Variants in PLAG1 observed in about 807,000 individuals in gnomAD.
PLAG1 encodes PLAG1 zinc finger.
PLAG1 carries 7 observed loss-of-function variants against 35.5 expected under a neutral mutation model. The ratio of observed to expected loss-of-function variants is 0.20; its 90% confidence interval spans 0.11 to 0.37. The LOEUF (loss-of-function observed/expected upper bound fraction) is 0.37. Ranked by LOEUF, PLAG1 falls within the 10% of genes least tolerant of loss-of-function variation. The pLI is 1.00. For missense variants in PLAG1, 454 were observed against 602.8 expected (o/e 0.75, Z 2.58); for synonymous variants, 229 against 225.4 (o/e 1.02, Z -0.14).
intron 1 of PLAG1, among the ~76,000 whole-genome samples, chr8:56,203,714 A>C (rs1812623794): frequency 6.6e-6 from 1 of 151,940 alleles, no homozygotes; most frequent in African/African-American, 2.4e-5. Flanking sequence ...TGCTTCCACC[A>C]CTCTTGGTGT....
chr8:56,172,518 G>T (rs1319438924), intron 2 of PLAG1, among the ~76,000 whole-genome samples: 3 of 152,152 alleles, frequency 2.0e-5, no homozygotes, highest in Non-Finnish European at 4.4e-5. Flanking sequence ...GAATATGAAA[G>T]ACCATTTTGT....
At chr8:56,184,855 C>A (rs1274591481) in intron 1 of PLAG1, among the ~76,000 whole-genome samples, 2 of 152,050 alleles carry the variant, frequency 1.3e-5, no homozygotes, top group African/African-American at 4.8e-5. Flanking sequence ...AGGCTTGAAC[C>A]TGGGATGCTT....
At chr8:56,197,210 A>G (rs531079639) in intron 1 of PLAG1, among the ~76,000 whole-genome samples, 2 of 151,544 alleles carry the variant, frequency 1.3e-5, no homozygotes, top group Non-Finnish European at 2.9e-5. Context: ...TCTCTCCCCA[A>G]ATCCTGGTGG....
chr8:56,205,676 A>T (rs749606266), intron 1 of PLAG1, among the ~76,000 whole-genome samples: 3 of 151,944 alleles, frequency 2.0e-5, no homozygotes, highest in Non-Finnish European at 4.4e-5. Context: ...TTATTGTTAC[A>T]TACTTTCATT....
In PLAG1 at chr8:56,161,264, C is replaced by G. The variant is rs1811191320; in HGVS notation, c.*4979G>C. On this transcript the variant is annotated 3_prime_UTR_variant, in exon 5 of 5. Transcript: ENST00000316981. Reference sequence around the variant, plus strand: ...TTGATTTCCCAATATTACAGAATAGCAATTTTAAATGCAATAAAAATATAC... The same window carrying G: ...TTGATTTCCCAATATTACAGAATAGGAATTTTAAATGCAATAAAAATATAC... The G allele has an allele frequency of 4.9e-6, 1 of 204,090 alleles. No homozygotes were observed. Among genetic ancestry groups the G allele is most frequent in the South Asian group, 1.9e-4 (1 of 5,266 alleles). 12.6% of individuals were successfully genotyped at this position (204,090 alleles called of 1,614,324 possible).
Position 56,163,976 on chromosome 8 carries a change from AATC to A in PLAG1, c.*2264_*2266del, listed in dbSNP as rs1010364939. 6.0e-5 allele frequency: 11 copies of A among 183,386 alleles called. No individual in the cohort carries two copies. The highest frequency in any genetic ancestry group is 1.2e-4 in the Non-Finnish European group (10 of 86,074). The allele number at this position is 183,386 out of a possible 1,614,324, so 11.4% of individuals were successfully genotyped here. A position where few individuals can be genotyped will look rare whatever the true frequency, so the allele number is the denominator to read the frequency against. ...GGTGATTAAAGCAATATTGAACACT[AATC>A]ATTCAACTAAAGATTTAGGTAAGCA... On this transcript the variant is annotated 3_prime_UTR_variant, in exon 5 of 5. Transcript: ENST00000316981.
intron 1 of PLAG1, among the ~76,000 whole-genome samples, chr8:56,185,995 T>C (rs537529247): frequency 6.6e-6 from 1 of 151,306 alleles, no homozygotes; most frequent in African/African-American, 2.4e-5. Flanking sequence ...AGAACAAGTA[T>C]TAGCCAGGCA....
At chr8:56,177,112 A>T (rs1811721823) in intron 2 of PLAG1, among the ~76,000 whole-genome samples, 1 of 152,232 alleles carries the variant, frequency 6.6e-6, no homozygotes, top group Non-Finnish European at 1.5e-5. Context: ...AGCAGAAATT[A>T]GTTTTAAGCC....
intron 1 of PLAG1, among the ~76,000 whole-genome samples, chr8:56,198,065 G>C (rs947799038): frequency 6.6e-6 from 1 of 152,176 alleles, no homozygotes; most frequent in Non-Finnish European, 1.5e-5. Flanking sequence ...TGGATGGCCC[G>C]CATCACACAG....
At chr8:56,188,483 T>C (rs765942477) in intron 1 of PLAG1, among the ~76,000 whole-genome samples, 1 of 152,258 alleles carries the variant, frequency 6.6e-6, no homozygotes, top group Non-Finnish European at 1.5e-5. Context: ...AAACACTACA[T>C]GCAACTTTAA....
intron 1 of PLAG1, among the ~76,000 whole-genome samples, chr8:56,204,278 G>T (rs1812639064): frequency 6.6e-6 from 1 of 151,806 alleles, no homozygotes; most frequent in South Asian, 2.1e-4. Flanking sequence ...GAAGAAAAGT[G>T]ACGTGAGCTC....
chr8:56,198,548 A>G (rs1211498331), intron 1 of PLAG1, among the ~76,000 whole-genome samples: 1 of 152,126 alleles, frequency 6.6e-6, no homozygotes, highest in African/African-American at 2.4e-5. Context: ...GTCCTCATAG[A>G]CGTTACAAGA....
At chr8:56,175,703 T>A (rs1585786855) in intron 2 of PLAG1, among the ~76,000 whole-genome samples, 1 of 152,192 alleles carries the variant, frequency 6.6e-6, no homozygotes, top group Non-Finnish European at 1.5e-5. Flanking sequence ...TTATATTTAG[T>A]ATACAGATAA....
Position 56,166,384 on chromosome 8 carries a change from G to A in PLAG1, c.1362C>T (p.Ser454=). The A allele has an allele frequency of 1.9e-6, 3 of 1,613,858 alleles. No individual in the cohort carries two copies. Among genetic ancestry groups the A allele is most frequent in the Non-Finnish European group, 2.5e-6 (3 of 1,179,870 alleles). ...YSQEEAHSSV[S]QLPPQTQDLQ... ...GATCCTGTGTTTGTGGGGGGAGCTGGGAAACAGAAGAATGTGCTTCTTCCT... is the reference window on the plus strand; with the variant it reads ...GATCCTGTGTTTGTGGGGGGAGCTGAGAAACAGAAGAATGTGCTTCTTCCT... The change falls in exon 5 of 5, where the codon TCC becomes TCT. Residue 454 remains serine, a synonymous_variant. Coordinates refer to ENST00000316981, the MANE Select transcript of PLAG1 (RefSeq NM_002655.3).
rs2129223609 is a variant in PLAG1, at chr8:56,164,034, T to C, written c.*2209A>G. On this transcript the variant is annotated 3_prime_UTR_variant, in exon 5 of 5. Transcript: ENST00000316981. Reference sequence around the variant, plus strand: ...GTTTCATAGAAACTAAAGGAAGCAGTAATGAAGCAGAGCGAAAAGCCTACT... The same window carrying C: ...GTTTCATAGAAACTAAAGGAAGCAGCAATGAAGCAGAGCGAAAAGCCTACT... The C allele has an allele frequency of 5.4e-6, 1 of 185,916 alleles. No homozygotes were observed. Among genetic ancestry groups the C allele is most frequent in the Non-Finnish European group, 1.1e-5 (1 of 87,532 alleles). 11.5% of individuals were successfully genotyped at this position (185,916 alleles called of 1,614,324 possible).
At chr8:56,191,308 G>C (rs1224101905) in intron 1 of PLAG1, among the ~76,000 whole-genome samples, 1 of 152,190 alleles carries the variant, frequency 6.6e-6, no homozygotes, top group East Asian at 1.9e-4. Flanking sequence ...ACCTGAGCTA[G>C]AGAGAAGGAG....
At chr8:56,199,881 G>A (rs1812500170) in intron 1 of PLAG1, among the ~76,000 whole-genome samples, 1 of 152,208 alleles carries the variant, frequency 6.6e-6, no homozygotes, top group Admixed American at 6.5e-5. Context: ...AGAATCACTG[G>A]TGAGAGGAAT....
At chr8:56,196,382 G>A (rs1472448287) in intron 1 of PLAG1, among the ~76,000 whole-genome samples, 4 of 152,096 alleles carry the variant, frequency 2.6e-5, no homozygotes, top group Admixed American at 6.5e-5. Flanking sequence ...GGATAGAACC[G>A]GATATATGAG....
intron 3 of PLAG1, among the ~76,000 whole-genome samples, chr8:56,168,910 G>A (rs1042385306): frequency 6.6e-6 from 1 of 152,146 alleles, no homozygotes; most frequent in Admixed American, 6.5e-5. Context: ...TTCACGGAGA[G>A]ACACTAGAGG....
Sources: allele counts gnomAD v4.1 joint callset (sites outside exome capture counted in the v4.1 genomes callset), GRCh38; gene constraint gnomAD v4.1.1; transcripts MANE v1.5; gene names NCBI Gene and HGNC (gene_info 2026-07-23, HGNC 2026-07-21).